Variants in MYMK observed in about 807,000 individuals in gnomAD.
The protein encoded by MYMK is myomaker, myoblast fusion factor.
MYMK carries 16 observed loss-of-function variants against 22.4 expected under a neutral mutation model. The ratio of observed to expected loss-of-function variants is 0.72; its 90% CI spans 0.48 to 1.09. MYMK has a LOEUF of 1.09. Among genes scored for constraint, MYMK ranks in the 50% least tolerant of loss-of-function variants. The pLI, the probability that MYMK is intolerant of heterozygous loss-of-function variation, is 0.00. For missense variants in MYMK, 250 were observed against 295.6 expected (o/e 0.85, Z 1.13); for synonymous variants, 125 against 127.0 (o/e 0.98, Z 0.11).
At position 133,515,516 on chromosome 9, in the gene MYMK, G is replaced by A. The variant is rs902442973; in HGVS notation, c.491C>T (p.Ala164Val). The A allele has an allele frequency of 3.1e-6, 5 of 1,613,330 alleles. No homozygotes were observed. The African/African-American group carries it at 5.3e-5, about 17-fold the overall frequency. The change falls in exon 4 of 5, where the codon GCC becomes GTC. Residue 164 changes from alanine to valine, a missense_variant. By Grantham distance (64) the Ala-to-Val change is moderately conservative (BLOSUM62 0). Coordinates refer to ENST00000339996, the MANE Select transcript of MYMK (RefSeq NM_001080483.3). This position sits in a 1 kb window ranked among gnomAD's most constrained non-coding sequence, Gnocchi z 5.8. ...IGPGLCFGAL[A>V]LMLRFFFEDW... is the part of the protein sequence containing the mutation. ...CTCAAAGAAGAAGCGTAGCATCAGG[G>A]CCAGCGCCCCGAAGCAGAGGCCGGG... is the stretch of plus-strand genomic sequence containing the variant.
intron 3 of MYMK, among the ~76,000 whole-genome samples, chr9:133,516,227 G>C (rs776593349): frequency 6.6e-6 from 1 of 152,232 alleles, no homozygotes; most frequent in Non-Finnish European, 1.5e-5. Flanking sequence ...CCCTGGAGCC[G>C]GCCTTGTGTT....
chr9:133,524,150 C>T (rs984568077), intron 1 of MYMK, among the ~76,000 whole-genome samples: 17 of 152,048 alleles, frequency 1.1e-4, no homozygotes, highest in African/African-American at 3.9e-4. Context: ...AAGAGAAAGA[C>T]GGACCCACAG....
In MYMK at chr9:133,519,041, C is replaced by T. The variant is rs374890019; in HGVS notation, c.251-19G>A. 8.7e-5 allele frequency: 141 copies of T among 1,613,036 alleles called. No individual in the cohort carries two copies. The highest frequency in any genetic ancestry group is 1.2e-4 in the Non-Finnish European group (139 of 1,179,874). The stretch of plus-strand genomic sequence containing the variant: ...GCCAGTGCTGGAGGGGCCAGGGAGA[C>T]ACAGGGGGAGGTGAGTGGTCTCTCT... On this transcript the variant is annotated intron_variant, in intron 2 of 4. Coordinates refer to ENST00000339996, the MANE Select transcript of MYMK (RefSeq NM_001080483.3).
At chr9:133,520,362 C>A in intron 1 of MYMK, 74 bp from the exon 2 acceptor site, 2 of 1,180,790 alleles carry the variant, frequency 1.7e-6, no homozygotes, top group South Asian at 2.5e-5. Flanking sequence ...CCCCAGAGTG[C>A]CAGGTCACTT....
chr9:133,523,522 T>C (rs1844727291), intron 1 of MYMK, among the ~76,000 whole-genome samples: 2 of 151,916 alleles, frequency 1.3e-5, no homozygotes, highest in South Asian at 4.2e-4. Flanking sequence ...GGGCACCACT[T>C]GTGGGAGTCC....
In MYMK at chr9:133,514,767, C is replaced by CGT; in HGVS notation, c.534_535insAC (p.Val179ThrfsTer?). ...AGGGCACAGTGGTAGAAGCTGTGGA[C>CGT]ATAAGTGTAGTCCCAGTCCTGCGGG... On this transcript the variant is annotated frameshift_variant, in exon 5 of 5. Transcript: ENST00000339996. LOFTEE classifies it high-confidence loss of function. 6.2e-7 allele frequency: 1 copy of CGT among 1,613,992 alleles called. No individual in the cohort carries two copies. Among genetic ancestry groups the CGT allele is most frequent in the South Asian group, 1.1e-5 (1 of 91,080 alleles).
chr9:133,516,542 G>A (rs1310213596), intron 3 of MYMK, among the ~76,000 whole-genome samples: 1 of 152,232 alleles, frequency 6.6e-6, no homozygotes, highest in Non-Finnish European at 1.5e-5. Flanking sequence ...AGTGGCCTAT[G>A]CAAAGAGCAC....
At position 133,514,661 on chromosome 9, in the gene MYMK, G is replaced by A. The variant is rs1042119658; in HGVS notation, c.641C>T (p.Ser214Phe). 2 of 1,613,756 alleles carry A rather than the reference G, an allele frequency of 1.2e-6. No individual in the cohort carries two copies. The highest frequency in any genetic ancestry group is 1.7e-5 in the Admixed American group (1 of 59,992). Residue 214 changes from serine to phenylalanine, a missense_variant, in exon 5 of 5, where the codon TCC becomes TTC. Coordinates refer to ENST00000339996, the MANE Select transcript of MYMK (RefSeq NM_001080483.3). ...SPGTPAKLDC[S>F]TLCCACV Reference sequence around the variant, plus strand: ...TCAGACACAAGCACAGCACAGGGTGGAGCAGTCCAGCTTGGCCGGGGTCCC... The same window carrying A: ...TCAGACACAAGCACAGCACAGGGTGAAGCAGTCCAGCTTGGCCGGGGTCCC...
In MYMK at chr9:133,515,406, T is replaced by A; in HGVS notation, c.516+85A>T. 1.1e-6 allele frequency: 1 copy of A among 931,442 alleles called. No homozygotes were observed. Among genetic ancestry groups the A allele is most frequent in the Non-Finnish European group, 1.7e-6 (1 of 584,522 alleles). 57.7% of individuals were successfully genotyped at this position (931,442 alleles called of 1,614,324 possible). A position where few individuals can be genotyped will look rare whatever the true frequency, so the allele number is the denominator to read the frequency against. On this transcript the variant is annotated intron_variant, in intron 4 of 4. Transcript: ENST00000339996. This position sits in a 1 kb window ranked among gnomAD's most constrained non-coding sequence, Gnocchi z 5.8. Reference sequence around the variant, plus strand: ...TGGGGCTGTCAGAGTCCCCCCAGCGTGGGCACAGCCCTGGTATCCCAGCTG... The same window carrying A: ...TGGGGCTGTCAGAGTCCCCCCAGCGAGGGCACAGCCCTGGTATCCCAGCTG...
intron 1 of MYMK, among the ~76,000 whole-genome samples, chr9:133,522,469 C>T (rs886810247): frequency 1.3e-5 from 2 of 152,144 alleles, no homozygotes; most frequent in African/African-American, 2.4e-5. Flanking sequence ...AGGGAAGGGA[C>T]GCCATGCGGG....
intron 1 of MYMK, among the ~76,000 whole-genome samples, chr9:133,524,091 C>CAGAG (rs113850501): frequency 2.0e-5 from 3 of 151,576 alleles, no homozygotes; most frequent in African/African-American, 7.3e-5. Context: ...AGGAGAGAGC[C>CAGAG]AGAGAGAGAG....
chr9:133,515,321 T>C lies in MYMK; in HGVS notation c.516+170A>G, dbSNP rs1373557075. Among the ~76,000 whole-genome samples, 2 of 152,170 alleles carry C rather than the reference T, an allele frequency of 1.3e-5. No homozygotes were observed. Among genetic ancestry groups the C allele is most frequent in the African/African-American group, 4.8e-5 (2 of 41,454 alleles). ...GGTGCTGGTGGTGCTGGGGACGGCA[T>C]TGCCCCCGACATAGCCCTGGGAGGG... On this transcript the variant is annotated intron_variant, in intron 4 of 4. Transcript: ENST00000339996. This position sits in a 1 kb window ranked among gnomAD's most constrained non-coding sequence, Gnocchi z 5.8.
chr9:133,518,753 C>T, intron 3 of MYMK, 121 bp downstream of exon 3: 1 of 1,313,912 alleles, frequency 7.6e-7, no homozygotes, highest in Non-Finnish European at 1.0e-6. Flanking sequence ...TGAATTCCTG[C>T]ATCCACCCAT....
Position 133,515,676 on chromosome 9 carries a change from G to T in MYMK, c.400-69C>A. On this transcript the variant is annotated intron_variant, in intron 3 of 4. Transcript: ENST00000339996. This position sits in a 1 kb window ranked among gnomAD's most constrained non-coding sequence, Gnocchi z 5.8. ...CTGGGGAACGCCCCTCCCCAAACCAGCCCGAGAGCTGGCCCTGCACAGGCT... is the reference window on the plus strand; with the variant it reads ...CTGGGGAACGCCCCTCCCCAAACCATCCCGAGAGCTGGCCCTGCACAGGCT... 1 of 1,057,260 alleles carries T rather than the reference G, an allele frequency of 9.5e-7. No homozygotes were observed. The highest frequency in any genetic ancestry group is 1.5e-6 in the Non-Finnish European group (1 of 682,514). The allele number at this position is 1,057,260 out of a possible 1,614,324, so 65.5% of individuals were successfully genotyped here.
chr9:133,520,234 C>T lies in MYMK; in HGVS notation c.190G>A (p.Asp64Asn), dbSNP rs149158465. ...TAGACACTGAAATACTCCAGGATGT[C>T]GTGACGCATGAAGCACAGCACAGAC... ...GLSVLCFMRH[D>N]ILEYFSVYGT... Residue 64 changes from aspartate (D) to asparagine (N), a missense_variant, in exon 2 of 5, where the codon GAC (aspartate) becomes AAC (asparagine). Asp to Asn is a conservative substitution (Grantham distance 23). Transcript: ENST00000339996. The T allele has an allele frequency of 2.4e-4, 388 of 1,613,976 alleles. 1 individual carries two copies. The highest frequency in any genetic ancestry group is 1.2e-4 in the Non-Finnish European group (142 of 1,180,028).
chr9:133,518,419 G>A (rs1844656800), intron 3 of MYMK, among the ~76,000 whole-genome samples: 1 of 152,210 alleles, frequency 6.6e-6, no homozygotes, highest in South Asian at 2.1e-4. Flanking sequence ...ATTACCCCAG[G>A]CCATTTTCCA....
intron 3 of MYMK, among the ~76,000 whole-genome samples, chr9:133,518,050 C>G (rs1011270833): frequency 2.0e-5 from 3 of 152,266 alleles, no homozygotes; most frequent in African/African-American, 7.2e-5. Context: ...GGTGCCTGGG[C>G]TGCTGCAGGC....
In MYMK at chr9:133,514,698, C is replaced by G; in HGVS notation, c.604G>C (p.Ala202Pro). ...VLLLPKVNKKAGSPGTPAKLD... is the reference protein window; with the variant it reads ...VLLLPKVNKKPGSPGTPAKLD... Reference sequence around the variant, plus strand: ...TTGGCCGGGGTCCCCGGGGATCCAGCCTTCTTGTTGACCTTGGGCAGCAGC... The same window carrying G: ...TTGGCCGGGGTCCCCGGGGATCCAGGCTTCTTGTTGACCTTGGGCAGCAGC... Residue 202 changes from alanine to proline, a missense_variant, in exon 5 of 5, where the codon GCT becomes CCT. Physicochemically the swap from Ala to Pro is conservative, Grantham distance 27. Transcript: ENST00000339996. 6.2e-7 allele frequency: 1 copy of G among 1,614,058 alleles called. No homozygotes were observed. The highest frequency in any genetic ancestry group is 8.5e-7 in the Non-Finnish European group (1 of 1,179,922).
rs773689264 is a variant in MYMK, at chr9:133,520,223, C to A, written c.201G>T (p.Glu67Asp). ...VLCFMRHDIL[E>D]YFSVYGTALS... ...GGGCTGTCCCGTAGACACTGAAATA[C>A]TCCAGGATGTCGTGACGCATGAAGC... Residue 67 changes from glutamate (E) to aspartate (D), a missense_variant, in exon 2 of 5, where the codon GAG becomes GAT. Glu to Asp is a conservative substitution (Grantham distance 45, BLOSUM62 2). Coordinates refer to ENST00000339996, the MANE Select transcript of MYMK (RefSeq NM_001080483.3). 5 of 1,614,056 alleles carry A rather than the reference C, an allele frequency of 3.1e-6. No individual in the cohort carries two copies. In the East Asian group the frequency reaches 1.1e-4, roughly 36 times the overall value.
Sources: gnomAD v4.1 joint callset for allele counts (sites outside exome capture counted in the v4.1 genomes callset) on GRCh38, gnomAD v4.1.1 for gene constraint, Gnocchi (gnomAD v3.1) non-coding constraint, MANE v1.5 for transcripts, NCBI Gene and HGNC (gene_info 2026-07-23, HGNC 2026-07-21) for gene names.